SOX5: variants seen among roughly 807,000 people sequenced by gnomAD.
SOX5 encodes the protein SRY-box transcription factor 5.
In SOX5, 9 loss-of-function variants were observed where a neutral mutation model predicts 92.0. The ratio of observed to expected loss-of-function variants is 0.10; its 90% CI spans 0.06 to 0.17. The LOEUF (loss-of-function observed/expected upper bound fraction) is 0.17, where lower values mean the gene tolerates loss of function less well. Ranked by LOEUF, SOX5 falls within the 10% of genes least tolerant of loss-of-function variation. The pLI, the probability that SOX5 is intolerant of heterozygous loss-of-function variation, is 1.00. For missense variants in SOX5, 642 were observed against 944.5 expected, an observed-to-expected ratio of 0.68 and a Z score of 4.20; for synonymous variants, 344 against 336.3, an observed-to-expected ratio of 1.02 and a Z score of -0.25.
chr12:24,484,575 G>A (rs773554961), intron 1 of SOX5, among the ~76,000 whole-genome samples: 14 of 152,134 alleles, frequency 9.2e-5, no homozygotes, highest in South Asian at 4.1e-4. Context: ...GTTTGTGTTC[G>A]TGTGTGTTGG....
At chr12:23,575,622 A>G in intron 10 of SOX5, 39 bp downstream of exon 10, 1 of 1,601,208 alleles carries the variant, frequency 6.2e-7, no homozygotes, top group Non-Finnish European at 8.6e-7. Flanking sequence ...CAATAGCCAT[A>G]AACAGAAAAT....
At chr12:24,095,152 G>GAGAGAC (rs1555507687) in intron 4 of SOX5, among the ~76,000 whole-genome samples, 12 of 137,576 alleles carry the variant, frequency 8.7e-5, no homozygotes, top group Admixed American at 1.5e-4. Context: ...GAGAGAGAGA[G>GAGAGAC]AGAGACAGAG....
chr12:24,354,152 A>G (rs1196945142), intron 2 of SOX5, among the ~76,000 whole-genome samples: 2 of 152,262 alleles, frequency 1.3e-5, no homozygotes, highest in Non-Finnish European at 2.9e-5. Context: ...ATGAGAGCAT[A>G]CACCAGGTAG....
rs1340237293 is a variant in SOX5, at chr12:23,607,402, T to C, written c.1018-2869A>G. ...TGGCCATTTACAAGTTAATAGGAAA[T>C]TTCAGTAAAATTAAAGAAGCTGACA... On this transcript the variant is annotated intron_variant, in intron 8 of 14. Coordinates refer to ENST00000451604, the MANE Select transcript of SOX5 (RefSeq NM_006940.6). Among the ~76,000 whole-genome samples, 3 of 152,328 alleles carry C rather than the reference T, an allele frequency of 2.0e-5. No individual in the cohort carries two copies. The South Asian group carries it at 6.2e-4, about 32-fold the overall frequency.
intron 2 of SOX5, among the ~76,000 whole-genome samples, chr12:23,855,476 T>C (rs956644631): frequency 3.3e-5 from 5 of 152,166 alleles, no homozygotes; most frequent in East Asian, 3.9e-4. Flanking sequence ...AAGTGAAAGT[T>C]TGAAAAAAAT....
chr12:24,538,095 C>T (rs1951798336), intron 1 of SOX5, among the ~76,000 whole-genome samples: 1 of 152,134 alleles, frequency 6.6e-6, no homozygotes, highest in Admixed American at 6.5e-5. Flanking sequence ...GCATACACTG[C>T]CCTAAATTAC....
At chr12:23,758,605 T>A (rs1379888715) in intron 3 of SOX5, among the ~76,000 whole-genome samples, 1 of 152,044 alleles carries the variant, frequency 6.6e-6, no homozygotes, top group Non-Finnish European at 1.5e-5. Context: ...TTGCCCAATG[T>A]GGAGCTAAAT....
chr12:23,575,954 C>G (rs182116817), intron 9 of SOX5, 116 bp from the exon 10 acceptor site: 1 of 723,990 alleles, frequency 1.4e-6, no homozygotes, highest in African/African-American at 1.8e-5. Context: ...AATCAGTGAT[C>G]TTAACATTCA....
At chr12:24,389,888 A>G (rs1282804059) in intron 1 of SOX5, among the ~76,000 whole-genome samples, 2 of 151,988 alleles carry the variant, frequency 1.3e-5, no homozygotes, top group East Asian at 3.9e-4. Flanking sequence ...AAGACTTGTT[A>G]TTTTCTGTCT....
chr12:24,339,229 G>A (rs1177909876), intron 2 of SOX5, among the ~76,000 whole-genome samples: 3 of 146,358 alleles, frequency 2.0e-5, no homozygotes, highest in African/African-American at 5.1e-5. Context: ...AGTGCAGGAT[G>A]CAGCCCAGTA....
chr12:23,712,845 T>C (rs2092174395), intron 6 of SOX5, among the ~76,000 whole-genome samples: 2 of 152,200 alleles, frequency 1.3e-5, no homozygotes, highest in Non-Finnish European at 2.9e-5. Context: ...CTCATCCTTC[T>C]CTCTACTCAT....
chr12:23,679,713 A>G (rs2086274339), intron 6 of SOX5, among the ~76,000 whole-genome samples: 1 of 152,178 alleles, frequency 6.6e-6, no homozygotes, highest in African/African-American at 2.4e-5. Flanking sequence ...AACCCAGTTC[A>G]GTATTTAAGG....
At chr12:23,712,408 A>T (rs1486357460) in intron 6 of SOX5, among the ~76,000 whole-genome samples, 1 of 152,208 alleles carries the variant, frequency 6.6e-6, no homozygotes, top group Non-Finnish European at 1.5e-5. Flanking sequence ...GGTACAAACG[A>T]GTCTTAGGCT....
chr12:24,279,592 T>C (rs1944918002), intron 2 of SOX5, among the ~76,000 whole-genome samples: 1 of 152,092 alleles, frequency 6.6e-6, no homozygotes. Context: ...TTTCCTTTCC[T>C]AGAGTTGAGA....
At chr12:23,905,888 A>C (rs924434535) in intron 1 of SOX5, among the ~76,000 whole-genome samples, 33 of 152,210 alleles carry the variant, frequency 2.2e-4, no homozygotes, top group Non-Finnish European at 4.4e-4. Flanking sequence ...ATCATTAAAA[A>C]TTGTAATAAT....
intron 1 of SOX5, among the ~76,000 whole-genome samples, chr12:24,548,353 GC>G (rs1487178646): frequency 3.3e-5 from 5 of 152,242 alleles, no homozygotes; most frequent in Admixed American, 3.3e-4. Flanking sequence ...GAGATATTCA[GC>G]TAGTATATTT....
intron 2 of SOX5, among the ~76,000 whole-genome samples, chr12:24,304,019 G>A (rs1165358309): frequency 1.3e-5 from 2 of 152,178 alleles, no homozygotes; most frequent in Non-Finnish European, 2.9e-5. Flanking sequence ...CTAATGGACT[G>A]AGTATCGATG....
At chr12:24,379,499 T>A (rs1957608632) in intron 1 of SOX5, among the ~76,000 whole-genome samples, 1 of 152,218 alleles carries the variant, frequency 6.6e-6, no homozygotes, top group Non-Finnish European at 1.5e-5. Flanking sequence ...TCCAAGCCAA[T>A]CAGAGTCTTT....
intron 2 of SOX5, among the ~76,000 whole-genome samples, chr12:24,337,199 A>G (rs1168471211): frequency 7.2e-5 from 11 of 152,140 alleles, no homozygotes; most frequent in African/African-American, 2.4e-5. Flanking sequence ...TTTTGTACAC[A>G]TGGCTTTCAA....
Sources: gnomAD v4.1 joint callset for allele counts (sites outside exome capture counted in the v4.1 genomes callset) on GRCh38, gnomAD v4.1.1 for gene constraint, MANE v1.5 for transcripts, NCBI Gene and HGNC (gene_info 2026-07-23, HGNC 2026-07-21) for gene names.